RBBP8: variants seen among roughly 807,000 people sequenced by gnomAD.
RBBP8 encodes the protein RB binding protein 8, endonuclease, also known as DNA endonuclease RBBP8.
A neutral mutation model predicts 108.3 loss-of-function variants in RBBP8; 88 were observed. The observed-to-expected ratio is 0.81, with a 90% CI of 0.68 to 0.97. The LOEUF (loss-of-function observed/expected upper bound fraction) is 0.97. Among genes scored for constraint, RBBP8 ranks in the 50% least tolerant of loss-of-function variants. RBBP8 has a pLI of 0.00. For missense variants in RBBP8, 1,023 were observed against 1,049.0 expected (o/e 0.98, Z 0.34); for synonymous variants, 332 against 348.2 (o/e 0.95, Z 0.52).
At chr18:23,013,297 G>T (rs1036785538) in intron 16 of RBBP8, among the ~76,000 whole-genome samples, 1 of 152,134 alleles carries the variant, frequency 6.6e-6, no homozygotes, top group Admixed American at 6.6e-5. Flanking sequence ...TTGGCAGAGA[G>T]GGAGCTGGGA....
chr18:22,991,300 G>A (rs1915685085), intron 10 of RBBP8, among the ~76,000 whole-genome samples: 1 of 152,138 alleles, frequency 6.6e-6, no homozygotes, highest in African/African-American at 2.4e-5. Flanking sequence ...CCCAGTACTT[G>A]TCACTCTGCT....
chr18:22,996,708 A>C (rs1001058781), intron 13 of RBBP8, among the ~76,000 whole-genome samples: 6 of 152,220 alleles, frequency 3.9e-5, no homozygotes, highest in African/African-American at 1.4e-4. Context: ...TTTTAAAAGA[A>C]TGCAGTGGGC....
intron 3 of RBBP8, among the ~76,000 whole-genome samples, chr18:22,923,101 G>A (rs910866048): frequency 6.6e-6 from 1 of 151,878 alleles, no homozygotes; most frequent in Non-Finnish European, 1.5e-5. Flanking sequence ...TCTATCTACC[G>A]TTAACAACAG....
intron 5 of RBBP8, among the ~76,000 whole-genome samples, chr18:22,974,192 C>G (rs1320064961): frequency 6.6e-6 from 1 of 152,144 alleles, no homozygotes; most frequent in Non-Finnish European, 1.5e-5. Context: ...CATGCTTAAC[C>G]AGTGACATCA....
At chr18:22,964,144 T>C (rs1044544496) in intron 4 of RBBP8, among the ~76,000 whole-genome samples, 6 of 152,278 alleles carry the variant, frequency 3.9e-5, no homozygotes, top group Admixed American at 3.9e-4. Context: ...TGTTAGTCTT[T>C]GTTTGTTTTT....
intron 18 of RBBP8, among the ~76,000 whole-genome samples, chr18:23,022,648 C>G (rs12966910): frequency 1.2e-5 from 1 of 82,528 alleles, no homozygotes; most frequent in African/African-American, 6.0e-5. Context: ...AAATAAAATA[C>G]AATATAAAAT....
chr18:22,935,799 G>A (rs1910523268), intron 1 of RBBP8, among the ~76,000 whole-genome samples: 1 of 152,112 alleles, frequency 6.6e-6, no homozygotes, highest in Admixed American at 6.6e-5. Context: ...TTTCTTCAAG[G>A]ACTATGTAAT....
At chr18:23,009,101 ATACTT>A (rs1415037300) in intron 16 of RBBP8, among the ~76,000 whole-genome samples, 2 of 152,124 alleles carry the variant, frequency 1.3e-5, no homozygotes, top group Non-Finnish European at 2.9e-5. Context: ...AAGGTAAACT[ATACTT>A]CATACTGATC....
chr18:23,022,647 A>AAT (rs2046378233), intron 18 of RBBP8, among the ~76,000 whole-genome samples: 1 of 30,898 alleles, frequency 3.2e-5, no homozygotes, highest in South Asian at 1.0e-3. Flanking sequence ...TAAATAAAAT[A>AAT]CAATATAAAA....
At position 22,995,192 on chromosome 18, in the gene RBBP8, T is replaced by G. The variant is rs114857316; in HGVS notation, c.1940-1182T>G. On this transcript the variant is annotated intron_variant, in intron 12 of 18. Coordinates refer to ENST00000327155, the MANE Select transcript of RBBP8 (RefSeq NM_002894.3). Reference sequence around the variant, plus strand: ...ATTAGTTGTTTTTCCAGTGAGTGTTTTAGTCTCTATATGAAAACATTTTTT... The same window carrying G: ...ATTAGTTGTTTTTCCAGTGAGTGTTGTAGTCTCTATATGAAAACATTTTTT... Among the ~76,000 whole-genome samples, 388 of 152,304 alleles carry G rather than the reference T, an allele frequency of 2.5e-3. 1 individual carries two copies. The highest frequency in any genetic ancestry group is 9.0e-3 in the African/African-American group (375 of 41,568).
At chr18:22,984,741 A>G in intron 7 of RBBP8, 145 bp from the exon 8 acceptor site, 1 of 510,884 alleles carries the variant, frequency 2.0e-6, no homozygotes, top group Non-Finnish European at 3.4e-6. Flanking sequence ...AGAATATGAT[A>G]ATTATGTCAA....
At chr18:22,987,138 T>C (rs2144676459) in intron 8 of RBBP8, among the ~76,000 whole-genome samples, 1 of 152,296 alleles carries the variant, frequency 6.6e-6, no homozygotes, top group Non-Finnish European at 1.5e-5. Context: ...TCAATATCTC[T>C]ACTTTACTAA....
At chr18:23,001,999 CTAAGA>C (rs1273947993) in intron 15 of RBBP8, among the ~76,000 whole-genome samples, 3 of 151,998 alleles carry the variant, frequency 2.0e-5, no homozygotes, top group South Asian at 4.1e-4. Context: ...AACTAAGAAA[CTAAGA>C]TTAGTTTGGT....
chr18:22,968,018 G>A (rs961407172), intron 4 of RBBP8, among the ~76,000 whole-genome samples: 3 of 151,430 alleles, frequency 2.0e-5, no homozygotes, highest in Non-Finnish European at 4.4e-5. Context: ...GAAAATATGA[G>A]GTGACTTTTT....
chr18:22,963,652 T>C (rs1041030297), intron 4 of RBBP8, among the ~76,000 whole-genome samples: 3 of 152,348 alleles, frequency 2.0e-5, no homozygotes, highest in East Asian at 3.9e-4. Context: ...CTTTTTCATA[T>C]ATCTAGGACT....
At chr18:22,998,439 A>G (rs930899586) in intron 14 of RBBP8, among the ~76,000 whole-genome samples, 2 of 152,204 alleles carry the variant, frequency 1.3e-5, no homozygotes, top group African/African-American at 2.4e-5. Flanking sequence ...TCCGGAAGAG[A>G]TGAGAACAAT....
At chr18:22,974,920 A>G (rs990919683) in intron 5 of RBBP8, among the ~76,000 whole-genome samples, 4 of 152,204 alleles carry the variant, frequency 2.6e-5, no homozygotes, top group Admixed American at 2.6e-4. Context: ...TGCAAGCATT[A>G]CATAAAATTA....
At chr18:23,017,988 C>T (rs1175087848) in intron 17 of RBBP8, among the ~76,000 whole-genome samples, 3 of 151,196 alleles carry the variant, frequency 2.0e-5, no homozygotes, top group South Asian at 2.1e-4. Flanking sequence ...TCAATTATTC[C>T]GCCTGCCTTG....
chr18:22,993,965 G>T, intron 12 of RBBP8, 118 bp downstream of exon 12: 2 of 960,118 alleles, frequency 2.1e-6, no homozygotes, highest in South Asian at 1.6e-5. Flanking sequence ...TCCTTCAGGT[G>T]TCTGTATTTA....
Sources: gnomAD v4.1 joint callset for allele counts (sites outside exome capture counted in the v4.1 genomes callset) on GRCh38, gnomAD v4.1.1 for gene constraint, MANE v1.5 for transcripts, NCBI Gene and HGNC (gene_info 2026-07-23, HGNC 2026-07-21) for gene names.